The following RSRP1 variants were observed in gnomAD, a reference collection of about 807,000 sequenced individuals.
The protein encoded by RSRP1 is arginine and serine rich protein 1.
RSRP1 carries 37 observed loss-of-function variants against 33.0 expected under a neutral mutation model. The ratio of observed to expected loss-of-function variants is 1.12; its 90% CI spans 0.86 to 1.48. The LOEUF is 1.48. RSRP1 is among the 40% of genes most tolerant of loss of function. The pLI, the probability that RSRP1 is intolerant of heterozygous loss-of-function variation, is 0.00. For synonymous variants in RSRP1, 167 were observed against 158.7 expected, an observed-to-expected ratio of 1.05 and a Z score of -0.40; for missense variants, 402 against 385.3, an observed-to-expected ratio of 1.04 and a Z score of -0.36.
At chr1:25,244,619 A>C in intron 3 of RSRP1, 7 of 1,255,516 alleles carry the variant, frequency 5.6e-6, no homozygotes, top group Non-Finnish European at 7.2e-6. Flanking sequence ...AAAACTAGTA[A>C]TAGAAATCAC....
intron 2 of RSRP1, among the ~76,000 whole-genome samples, 166 bp from the exon 3 acceptor site, chr1:25,245,467 G>A (rs1639294521): frequency 1.3e-5 from 2 of 152,080 alleles, no homozygotes; most frequent in South Asian, 2.1e-4. Context: ...TAGTAGCTGC[G>A]CTGGTCCACT....
At chr1:25,333,930 C>T (rs1216224072) in intron 1 of RSRP1, among the ~76,000 whole-genome samples, 5 of 128,810 alleles carry the variant, frequency 3.9e-5, no homozygotes, top group Admixed American at 3.8e-4. Flanking sequence ...TCCCACAACG[C>T]ATGGGAATTC....
At chr1:25,336,934 A>G (rs559603303) in intron 1 of RSRP1, 1 of 152,186 alleles carries the variant, frequency 6.6e-6, no homozygotes, top group Non-Finnish European at 1.5e-5. Context: ...AGTTTCATCC[A>G]TCAAAGGAAA....
At position 25,307,621 on chromosome 1, in the gene RSRP1, G is replaced by A. The variant is rs764980581; in HGVS notation, c.-67+30357C>T. ...GGTATTCTCAGACTCTAAGAAATGA[G>A]ATTTAAGAGAAGTTATCTGCCCAAG... is the stretch of plus-strand genomic sequence containing the variant. On this transcript the variant is annotated intron_variant, in intron 1 of 1. Coordinates refer to the RSRP1 transcript ENST00000561867. 3.0e-6 allele frequency: 3 copies of A among 992,896 alleles called. No homozygotes were observed. In the South Asian group the frequency reaches 4.2e-5, roughly 14 times the overall value. 61.5% of individuals were successfully genotyped at this position (992,896 alleles called of 1,614,324 possible).
Position 25,332,959 on chromosome 1 carries a change from T to C in RSRP1, c.-67+5019A>G, listed in dbSNP as rs558480188. Among the ~76,000 whole-genome samples, 12 of 131,260 alleles carry C rather than the reference T, an allele frequency of 9.1e-5. 4 individuals carry two copies. The highest frequency in any genetic ancestry group is 2.0e-4 in the East Asian group (1 of 5,094). 86.1% of individuals were successfully genotyped at this position (131,260 alleles called of 152,430 possible). A position where few individuals can be genotyped will look rare whatever the true frequency, so the allele number is the denominator to read the frequency against. ...GCATGGCTCAGTCCAAGTCCCAAAG[T>C]CTCAGAATCAGGAAAGCTGATGATA... On this transcript the variant is annotated intron_variant, in intron 1 of 1. Transcript: ENST00000561867.
At chr1:25,250,835 C>G (rs1407121471), upstream of RSRP1, among the ~76,000 whole-genome samples, 1 of 151,938 alleles carries the variant, frequency 6.6e-6, no homozygotes, top group Non-Finnish European at 1.5e-5. Context: ...TTGGTGAAAC[C>G]CCATCTCTAC....
At chr1:25,249,080 C>T (rs1388338156), upstream of RSRP1, among the ~76,000 whole-genome samples, 1 of 152,026 alleles carries the variant, frequency 6.6e-6, no homozygotes, top group African/African-American at 2.4e-5. Flanking sequence ...ACCTGAGAGG[C>T]GGAGGTTGCA....
intron 4 of RSRP1, 83 bp from the exon 5 acceptor site, chr1:25,242,788 T>G: frequency 1.0e-6 from 1 of 959,312 alleles, no homozygotes; most frequent in Non-Finnish European, 1.6e-6. Context: ...AATAATCCCA[T>G]GTATGAGCCT....
rs1334863902 is a variant in RSRP1, at chr1:25,279,959, T to G, written c.-66-32930A>C. On this transcript the variant is annotated intron_variant, in intron 1 of 1. Coordinates refer to the RSRP1 transcript ENST00000561867. ...AGGTGGAGGCTGATACCAGTGAGGA[T>G]GCTCCAAGCTGGGACCCAGCCCTGA... Among the ~76,000 whole-genome samples the G allele has an allele frequency of 1.6e-5, 2 of 128,580 alleles. 1 individual carries two copies. Among genetic ancestry groups the G allele is most frequent in the Non-Finnish European group, 3.6e-5 (2 of 54,968 alleles). The allele number at this position is 128,580 out of a possible 152,430, so 84.4% of individuals were successfully genotyped here.
At chr1:25,256,754 C>T (rs1300453495) in intron 1 of RSRP1, among the ~76,000 whole-genome samples, 2 of 152,074 alleles carry the variant, frequency 1.3e-5, no homozygotes, top group South Asian at 2.1e-4. Context: ...CGTGAGTCAC[C>T]GTGCCTGGCT....
intron 1 of RSRP1, among the ~76,000 whole-genome samples, chr1:25,275,918 A>T (rs1640920633): frequency 7.6e-6 from 1 of 132,394 alleles, no homozygotes. Context: ...CTTGACTGCC[A>T]TTATTTCTAT....
intron 1 of RSRP1, among the ~76,000 whole-genome samples, chr1:25,296,314 T>G (rs1642956494): frequency 7.9e-6 from 1 of 125,978 alleles, no homozygotes; most frequent in Admixed American, 7.7e-5. Flanking sequence ...TGGTGTGATC[T>G]CGGCTCACTG....
chr1:25,332,826 T>C lies in RSRP1; in HGVS notation c.-67+5152A>G, dbSNP rs1237216159. ...CAGAGAGACACAGCCAATCGATACA[T>C]AGATATATAAGAGAGGGTTTATGAG... On this transcript the variant is annotated intron_variant, in intron 1 of 1. Coordinates refer to the RSRP1 transcript ENST00000561867. Among the ~76,000 whole-genome samples, 3 of 132,016 alleles carry C rather than the reference T, an allele frequency of 2.3e-5. 1 individual carries two copies. Among genetic ancestry groups the C allele is most frequent in the African/African-American group, 7.7e-5 (3 of 38,774 alleles). The allele number at this position is 132,016 out of a possible 152,430, so 86.6% of individuals were successfully genotyped here.
intron 1 of RSRP1, among the ~76,000 whole-genome samples, chr1:25,276,532 T>TAAAAAAAAAAAAAAAAAAAAAA (rs557746335): frequency 9.3e-5 from 6 of 64,780 alleles, no homozygotes; most frequent in African/African-American, 3.6e-4. Flanking sequence ...CCCCCATCTC[T>TAAAAAAAAAAAAAAAAAAAAAA]AAAAAAAAAA....
intron 1 of RSRP1, among the ~76,000 whole-genome samples, chr1:25,264,107 T>G (rs1479136654): frequency 6.6e-6 from 1 of 151,988 alleles, no homozygotes; most frequent in Non-Finnish European, 1.5e-5. Flanking sequence ...TTTCATGGGC[T>G]GGCATTGAGT....
chr1:25,291,635 G>A lies in RSRP1; in HGVS notation c.-66-44606C>T, dbSNP rs1283670392. 2.3e-5 allele frequency among the ~76,000 whole-genome samples: 3 copies of A among 132,312 alleles called. 1 individual carries two copies. Among genetic ancestry groups the A allele is most frequent in the Non-Finnish European group, 5.4e-5 (3 of 55,944 alleles). The allele number at this position is 132,312 out of a possible 152,430, so 86.8% of individuals were successfully genotyped here. On this transcript the variant is annotated intron_variant, in intron 1 of 1. Coordinates refer to the RSRP1 transcript ENST00000561867. ...TTGTGCTATTCATGATATAATTATG[G>A]TTATATAAAAGTAATTAATTCTCAG...
rs771554591 is a variant in RSRP1 at position 25,306,685 on chromosome 1, C to T, written c.-67+31293G>A. ...TGGGTCTGCTTGGAGAGATCATCTA[C>T]ATTGTGCTGCTGGTGCTTGATACCG... is the stretch of plus-strand genomic sequence containing the variant. On this transcript the variant is annotated intron_variant, in intron 1 of 1. Transcript: ENST00000561867. The T allele has an allele frequency of 3.6e-6, 5 of 1,378,738 alleles. 1 individual carries two copies. Among genetic ancestry groups the T allele is most frequent in the South Asian group, 1.2e-5 (1 of 84,810 alleles). 85.4% of individuals were successfully genotyped at this position (1,378,738 alleles called of 1,614,324 possible). A position where few individuals can be genotyped will look rare whatever the true frequency, so the allele number is the denominator to read the frequency against.
intron 1 of RSRP1, among the ~76,000 whole-genome samples, chr1:25,286,562 G>A (rs1642014753): frequency 7.4e-6 from 1 of 134,700 alleles, no homozygotes; most frequent in African/African-American, 2.6e-5. Context: ...CAAGGCGGGG[G>A]GATCATGAGG....
At chr1:25,313,346 C>T (rs1265008255) in intron 1 of RSRP1, among the ~76,000 whole-genome samples, 1 of 132,626 alleles carries the variant, frequency 7.5e-6, no homozygotes, top group East Asian at 1.9e-4. Flanking sequence ...ACAAATTACC[C>T]ATTCTGTGGT....
Sources: gnomAD v4.1 joint callset for allele counts (sites outside exome capture counted in the v4.1 genomes callset) on GRCh38, gnomAD v4.1.1 for gene constraint, MANE v1.5 for transcripts, NCBI Gene and HGNC (gene_info 2026-07-23, HGNC 2026-07-21) for gene names.